RNF157: variants seen among roughly 807,000 people sequenced by gnomAD.
The protein encoded by RNF157 is ring finger protein 157.
A neutral mutation model predicts 88.3 loss-of-function variants in RNF157; 55 were observed. That is an observed-to-expected ratio of 0.62 (90% confidence interval 0.50 to 0.78). RNF157 has a LOEUF of 0.78. Among genes scored for constraint, RNF157 ranks in the 30% least tolerant of loss-of-function variants. The pLI, the probability that RNF157 is intolerant of heterozygous loss-of-function variation, is 0.00. For synonymous variants in RNF157, 334 were observed against 341.2 expected (o/e 0.98, Z 0.23); for missense variants, 788 against 860.8 (o/e 0.92, Z 1.06).
intron 18 of RNF157, among the ~76,000 whole-genome samples, chr17:76,150,761 C>T (rs1568020694): frequency 6.6e-6 from 1 of 152,206 alleles, no homozygotes; most frequent in Non-Finnish European, 1.5e-5. Context: ...TTCTCATAAG[C>T]TCTTAGTACC....
chr17:76,203,263 C>T (rs750487019), intron 2 of RNF157, among the ~76,000 whole-genome samples: 2 of 152,102 alleles, frequency 1.3e-5, no homozygotes, highest in African/African-American at 2.4e-5. Context: ...AATGCTGCGA[C>T]TACAGGCGTC....
At chr17:76,229,726 T>C (rs2070155172) in intron 1 of RNF157, among the ~76,000 whole-genome samples, 1 of 152,192 alleles carries the variant, frequency 6.6e-6, no homozygotes, top group African/African-American at 2.4e-5. Context: ...TGCACCTTAA[T>C]GAGCTACTTA....
At position 76,161,501 on chromosome 17, in the gene RNF157, C is replaced by G; in HGVS notation, c.1065+34G>C. On this transcript the variant is annotated intron_variant, in intron 11 of 18. Coordinates refer to ENST00000269391, the MANE Select transcript of RNF157 (RefSeq NM_052916.3). The surrounding 1 kb of genome is among the most constrained non-coding windows in gnomAD (Gnocchi z 4.6). ...TTTAAAAAAGCCAATGAGGCATTTGCTTCAGAGGGGCCGTGGTTCCGAGCC... is the reference window on the plus strand; with the variant it reads ...TTTAAAAAAGCCAATGAGGCATTTGGTTCAGAGGGGCCGTGGTTCCGAGCC... 1 of 1,521,236 alleles carries G rather than the reference C, an allele frequency of 6.6e-7. No homozygotes were observed. The highest frequency in any genetic ancestry group is 9.1e-7 in the Non-Finnish European group (1 of 1,095,428). 94.2% of individuals were successfully genotyped at this position (1,521,236 alleles called of 1,614,324 possible).
intron 2 of RNF157, among the ~76,000 whole-genome samples, chr17:76,199,964 G>T (rs1401983269): frequency 6.6e-6 from 1 of 152,136 alleles, no homozygotes; most frequent in Non-Finnish European, 1.5e-5. Flanking sequence ...CAGGTCGGGC[G>T]CGGTGGCTCA....
Position 76,232,389 on chromosome 17 carries a change from T to TA in RNF157, c.88+7763dup, listed in dbSNP as rs372102015. 9.5e-4 allele frequency among the ~76,000 whole-genome samples: 134 copies of TA among 141,066 alleles called. 2 individuals carry two copies. The highest frequency in any genetic ancestry group is 8.8e-3 in the South Asian group (39 of 4,456). The allele number at this position is 141,066 out of a possible 152,430, so 92.5% of individuals were successfully genotyped here. On this transcript the variant is annotated intron_variant, in intron 1 of 18. Transcript: ENST00000269391. ...AGCACTTAGAGCAAGACTCTGTCTC[T>TA]AAAAAAAAAAAGCAAAGAAACAAAC...
At chr17:76,217,374 G>C (rs2069906455) in intron 1 of RNF157, among the ~76,000 whole-genome samples, 1 of 151,962 alleles carries the variant, frequency 6.6e-6, no homozygotes, top group South Asian at 2.1e-4. Context: ...CCAAAAATTT[G>C]CTTTTTCCTT....
At chr17:76,171,050 G>A (rs907951023) in intron 3 of RNF157, among the ~76,000 whole-genome samples, 21 of 151,926 alleles carry the variant, frequency 1.4e-4, no homozygotes, top group African/African-American at 4.8e-4. Flanking sequence ...CTGCCACCAT[G>A]CCCGGCTAAT....
chr17:76,226,397 A>T, intron 1 of RNF157: 1 of 1,594,420 alleles, frequency 6.3e-7, no homozygotes, highest in Non-Finnish European at 8.6e-7. Flanking sequence ...TGGGTTCACC[A>T]TCTGGGGGGG....
Position 76,176,230 on chromosome 17 carries a change from G to A in RNF157, c.208-2440C>T, listed in dbSNP as rs2069100499. 6.6e-6 allele frequency among the ~76,000 whole-genome samples: 1 copy of A among 152,188 alleles called. No homozygotes were observed. Among genetic ancestry groups the A allele is most frequent in the Non-Finnish European group, 1.5e-5 (1 of 68,030 alleles). On this transcript the variant is annotated intron_variant, in intron 2 of 18. Coordinates refer to ENST00000269391, the MANE Select transcript of RNF157 (RefSeq NM_052916.3). The surrounding 1 kb of genome is among the most constrained non-coding windows in gnomAD (Gnocchi z 4.2). ...GACATAGTAATTGTAATATCAAAGA[G>A]ATTAAATATATGGATATTTTTTTGC...
intron 2 of RNF157, among the ~76,000 whole-genome samples, chr17:76,189,888 G>A (rs2069354627): frequency 6.6e-6 from 1 of 152,194 alleles, no homozygotes; most frequent in African/African-American, 2.4e-5. Flanking sequence ...AAAAGGCATT[G>A]CTGGGATGGT....
chr17:76,187,524 C>A (rs899073416), intron 2 of RNF157, among the ~76,000 whole-genome samples: 3 of 151,880 alleles, frequency 2.0e-5, no homozygotes, highest in African/African-American at 7.3e-5. Flanking sequence ...GTATAGAAGC[C>A]CTAGATAATT....
chr17:76,166,991 TC>T lies in RNF157; in HGVS notation c.561+17del. 1.3e-6 allele frequency: 2 copies of T among 1,573,674 alleles called. No homozygotes were observed. Among genetic ancestry groups the T allele is most frequent in the Non-Finnish European group, 8.6e-7 (1 of 1,157,820 alleles). ...CCTTCTGAGTGGATGTGGGAAACCC[TC>T]CCCAGAGGCAGCTCACCTCCTCTTC... On this transcript the variant is annotated intron_variant, in intron 5 of 18. Transcript: ENST00000269391.
intron 2 of RNF157, among the ~76,000 whole-genome samples, chr17:76,200,671 C>T (rs1487882519): frequency 6.6e-6 from 1 of 151,978 alleles, no homozygotes; most frequent in African/African-American, 2.4e-5. Context: ...GGGTGGTCAC[C>T]CCTGGGGAAG....
At chr17:76,184,340 T>C (rs1335573424) in intron 2 of RNF157, among the ~76,000 whole-genome samples, 1 of 152,202 alleles carries the variant, frequency 6.6e-6, no homozygotes. Context: ...TCTCTTTTTT[T>C]ATAGGGTTTT....
In RNF157 at chr17:76,146,066, T is replaced by G. The variant is rs145194609; in HGVS notation, c.1922-713A>C. 8.0e-4 allele frequency among the ~76,000 whole-genome samples: 122 copies of G among 152,096 alleles called. No homozygotes were observed. The highest frequency in any genetic ancestry group is 2.9e-3 in the African/African-American group (120 of 41,498). On this transcript the variant is annotated intron_variant, in intron 18 of 18. Transcript: ENST00000269391. The surrounding 1 kb of genome is among the most constrained non-coding windows in gnomAD (Gnocchi z 4.2). Reference sequence around the variant, plus strand: ...TCTGCTGCTGCCCCCACATGAGGAGTGCCAGCGCCTGTCTGGAAACCCATT... The same window carrying G: ...TCTGCTGCTGCCCCCACATGAGGAGGGCCAGCGCCTGTCTGGAAACCCATT...
In RNF157 at chr17:76,145,240, C is replaced by G. The variant is rs772955106; in HGVS notation, c.2035G>C (p.Val679Leu). The change falls in exon 19 of 19, where the codon GTC becomes CTC. Residue 679 changes from valine (V) to leucine (L), a missense_variant. Val to Leu is a conservative substitution (Grantham distance 32). Transcript: ENST00000269391. ...CCAAGTGCAGAGGCTGGGGCTCAGA[C>G]AGCCAAAGGGCCCCACACACAGGGC... Reference protein sequence around the residue: ...TRPCVWGPLAV With the variant: ...TRPCVWGPLAL 11 of 1,600,934 alleles carry G rather than the reference C, an allele frequency of 6.9e-6. No homozygotes were observed. In the Admixed American group the frequency reaches 1.5e-4, roughly 22 times the overall value.
Position 76,146,920 on chromosome 17 carries a change from TG to T in RNF157, c.1922-1568del. On this transcript the variant is annotated intron_variant, in intron 18 of 18. Transcript: ENST00000269391. This position sits in a 1 kb window ranked among gnomAD's most constrained non-coding sequence, Gnocchi z 4.2. ...CAGGACATGAAACCCTTTAATGGCA[TG>T]TAGAGTCAACAGGTATAAATGGCTT... 1 of 985,428 alleles carries T rather than the reference TG, an allele frequency of 1.0e-6. No individual in the cohort carries two copies. The highest frequency in any genetic ancestry group is 4.7e-5 in the South Asian group (1 of 21,288). 61.0% of individuals were successfully genotyped at this position (985,428 alleles called of 1,614,324 possible). A position where few individuals can be genotyped will look rare whatever the true frequency, so the allele number is the denominator to read the frequency against.
chr17:76,185,207 T>C (rs1203543164), intron 2 of RNF157, among the ~76,000 whole-genome samples: 1 of 152,158 alleles, frequency 6.6e-6, no homozygotes, highest in East Asian at 1.9e-4. Context: ...AGATGACAAA[T>C]GAACCTACTT....
chr17:76,187,472 C>T (rs780098178), intron 2 of RNF157, among the ~76,000 whole-genome samples: 12 of 152,144 alleles, frequency 7.9e-5, no homozygotes, highest in Non-Finnish European at 1.5e-4. Context: ...GCATGAGCCA[C>T]GGCGTCTGGC....
Sources: allele counts gnomAD v4.1 joint callset (sites outside exome capture counted in the v4.1 genomes callset), GRCh38; gene constraint gnomAD v4.1.1; non-coding constraint Gnocchi (gnomAD v3.1); transcripts MANE v1.5; gene names NCBI Gene and HGNC (gene_info 2026-07-23, HGNC 2026-07-21).